WNT7A: variants seen among roughly 807,000 people sequenced by gnomAD.
WNT7A encodes Wnt family member 7A.
A neutral mutation model predicts 28.2 loss-of-function variants in WNT7A; 16 were observed. That is an observed-to-expected ratio of 0.57 (90% CI 0.38 to 0.86). The LOEUF (loss-of-function observed/expected upper bound fraction) is 0.86. WNT7A is among the 40% of genes least tolerant of loss of function. The pLI is 0.00. For missense variants in WNT7A, 411 were observed against 489.7 expected (o/e 0.84, Z 1.52); for synonymous variants, 190 against 195.9 (o/e 0.97, Z 0.25).
rs757984346 is a variant in WNT7A, at chr3:13,879,822, C to T, written c.-6G>A. 1 of 1,609,240 alleles carries T rather than the reference C, an allele frequency of 6.2e-7. No individual in the cohort carries two copies. Among genetic ancestry groups the T allele is most frequent in the Non-Finnish European group, 8.5e-7 (1 of 1,177,616 alleles). ...CGCCGCGCTTTCCGGTTCATAGTCC[C>T]GATTGGCCGCCGGGGCCGCGGGCCG... On this transcript the variant is annotated 5_prime_UTR_variant, in exon 1 of 4. Transcript: ENST00000285018.
intron 3 of WNT7A, among the ~76,000 whole-genome samples, chr3:13,822,593 G>T (rs1298124551): frequency 1.3e-5 from 2 of 152,200 alleles, no homozygotes; most frequent in Non-Finnish European, 2.9e-5. Flanking sequence ...AATGGGTACG[G>T]GTTTCTTTCT....
intron 2 of WNT7A, among the ~76,000 whole-genome samples, chr3:13,868,860 GAGAA>G (rs1160520779): frequency 5.5e-5 from 8 of 144,420 alleles, no homozygotes; most frequent in African/African-American, 1.0e-4. Flanking sequence ...GAGAGAGAGA[GAGAA>G]AGAGACAGAG....
chr3:13,878,134 C>T (rs1218029167), intron 1 of WNT7A, among the ~76,000 whole-genome samples: 2 of 152,170 alleles, frequency 1.3e-5, no homozygotes, highest in Non-Finnish European at 2.9e-5. Context: ...CCCTCCCTCC[C>T]TGCCGGGCAG....
intron 3 of WNT7A, among the ~76,000 whole-genome samples, chr3:13,823,910 C>G (rs555207145): frequency 6.6e-6 from 1 of 152,222 alleles, no homozygotes; most frequent in Non-Finnish European, 1.5e-5. Flanking sequence ...AAGGTCACAG[C>G]TCCTGCTGGG....
At chr3:13,867,914 T>C (rs1575073688) in intron 2 of WNT7A, among the ~76,000 whole-genome samples, 1 of 152,226 alleles carries the variant, frequency 6.6e-6, no homozygotes, top group African/African-American at 2.4e-5. Flanking sequence ...ACCCACTCAC[T>C]GGGCAGACAT....
intron 3 of WNT7A, among the ~76,000 whole-genome samples, chr3:13,845,723 C>T (rs1032941841): frequency 1.3e-4 from 20 of 152,340 alleles, no homozygotes; most frequent in African/African-American, 4.8e-4. Context: ...ACAGATGCAC[C>T]CAGCCCTACT....
Position 13,817,035 on chromosome 3 carries a change from C to T in WNT7A, c.*1909G>A, listed in dbSNP as rs1694015234. 6.6e-6 allele frequency: 1 copy of T among 152,266 alleles called. No individual in the cohort carries two copies. Among genetic ancestry groups the T allele is most frequent in the Non-Finnish European group, 1.5e-5 (1 of 68,058 alleles). The allele number at this position is 152,266 out of a possible 1,614,324, so 9.4% of individuals were successfully genotyped here. A position where few individuals can be genotyped will look rare whatever the true frequency, so the allele number is the denominator to read the frequency against. ...CTGTGATCCAGGCTCAGTGTGGACACTGAGGAGTCAGACACAGCCTAGATA... is the reference window on the plus strand; with the variant it reads ...CTGTGATCCAGGCTCAGTGTGGACATTGAGGAGTCAGACACAGCCTAGATA... On this transcript the variant is annotated 3_prime_UTR_variant, in exon 4 of 4. Coordinates refer to ENST00000285018, the MANE Select transcript of WNT7A (RefSeq NM_004625.4).
chr3:13,878,594 T>C (rs569161151), intron 1 of WNT7A, among the ~76,000 whole-genome samples: 2 of 151,866 alleles, frequency 1.3e-5, no homozygotes, highest in African/African-American at 4.8e-5. Context: ...ACTTGCGAAA[T>C]CCCCGCTCCA....
At chr3:13,822,886 T>G (rs984833720) in intron 3 of WNT7A, among the ~76,000 whole-genome samples, 1 of 152,186 alleles carries the variant, frequency 6.6e-6, no homozygotes. Flanking sequence ...ATGGCTCCTG[T>G]GTCCTGGATG....
At chr3:13,856,956 GAAGAAGAAGA>G (rs1559303343) in intron 2 of WNT7A, among the ~76,000 whole-genome samples, 16 of 124,886 alleles carry the variant, frequency 1.3e-4, no homozygotes, top group African/African-American at 1.9e-4. Flanking sequence ...AGAAGAAGAA[GAAGAAGAAGA>G]AGGAGAAGAA....
At chr3:13,838,657 A>G (rs1297676091) in intron 3 of WNT7A, among the ~76,000 whole-genome samples, 1 of 152,168 alleles carries the variant, frequency 6.6e-6, no homozygotes, top group South Asian at 2.1e-4. Context: ...GGAGCCCCCA[A>G]AGTTTTGCAG....
In WNT7A at chr3:13,819,358, C is replaced by T. The variant is rs1309171342; in HGVS notation, c.636G>A (p.Lys212=). The T allele has an allele frequency of 6.2e-7, 1 of 1,613,510 alleles. No individual in the cohort carries two copies. The highest frequency in any genetic ancestry group is 2.2e-5 in the East Asian group (1 of 44,884). ...ACTGTGGCAGTGTGGTCCAGCACGT[C>T]TTGGTGGTGCACGAGCCTGACACGC... ...CHGVSGSCTT[K]TCWTTLPQFR... is the part of the protein sequence containing the mutation. Residue 212 remains lysine, a synonymous_variant, in exon 4 of 4, where the codon AAG becomes AAA. Coordinates refer to ENST00000285018, the MANE Select transcript of WNT7A (RefSeq NM_004625.4).
intron 1 of WNT7A, among the ~76,000 whole-genome samples, chr3:13,877,910 C>T (rs1051537818): frequency 3.9e-5 from 6 of 152,208 alleles, no homozygotes. Context: ...CAGCCAGAAG[C>T]GGGTAGAGCC....
At chr3:13,864,508 C>T (rs1694880818) in intron 2 of WNT7A, among the ~76,000 whole-genome samples, 1 of 152,176 alleles carries the variant, frequency 6.6e-6, no homozygotes, top group Admixed American at 6.5e-5. Flanking sequence ...CTTCTGTGCT[C>T]ATCTCCCAGT....
chr3:13,822,397 A>G (rs1694125797), intron 3 of WNT7A, among the ~76,000 whole-genome samples: 1 of 152,270 alleles, frequency 6.6e-6, no homozygotes, highest in South Asian at 2.1e-4. Context: ...AAAGGAATGA[A>G]GTACTGATAC....
intron 2 of WNT7A, among the ~76,000 whole-genome samples, chr3:13,871,324 C>G (rs1695023464): frequency 6.6e-6 from 1 of 152,146 alleles, no homozygotes; most frequent in African/African-American, 2.4e-5. Flanking sequence ...GGTGAGAGCA[C>G]TGAGGAGGAG....
intron 2 of WNT7A, among the ~76,000 whole-genome samples, chr3:13,869,096 AAG>A (rs1334434281): frequency 1.4e-5 from 2 of 144,642 alleles, no homozygotes; most frequent in Non-Finnish European, 1.5e-5. Flanking sequence ...GGGAGAGAGA[AAG>A]AGAAAGAGGG....
At chr3:13,844,588 C>A (rs528027149) in intron 3 of WNT7A, among the ~76,000 whole-genome samples, 1 of 152,232 alleles carries the variant, frequency 6.6e-6, no homozygotes, top group Admixed American at 6.5e-5. Context: ...GCCAATCAAA[C>A]GGAGTAACCC....
In WNT7A at chr3:13,868,575, AGAGAGAGAGAGAGAGG is replaced by A. The variant is rs1410275990; in HGVS notation, c.298+6356_298+6371del. ...GGGAAGAAGGGGGAGAGAGAGAGAG[AGAGAGAGAGAGAGAGG>A]GAGAAAGAAAGAAAGAAAGAGAGAG... On this transcript the variant is annotated intron_variant, in intron 2 of 3. Coordinates refer to ENST00000285018, the MANE Select transcript of WNT7A (RefSeq NM_004625.4). 2.6e-3 allele frequency among the ~76,000 whole-genome samples: 58 copies of A among 21,948 alleles called. 2 individuals carry two copies. Among genetic ancestry groups the A allele is most frequent in the African/African-American group, 0.013 (42 of 3,272 alleles). The allele number at this position is 21,948 out of a possible 152,430, so 14.4% of individuals were successfully genotyped here. A position where few individuals can be genotyped will look rare whatever the true frequency, so the allele number is the denominator to read the frequency against.
Sources: allele counts gnomAD v4.1 joint callset (sites outside exome capture counted in the v4.1 genomes callset), GRCh38; gene constraint gnomAD v4.1.1; transcripts MANE v1.5; gene names NCBI Gene and HGNC (gene_info 2026-07-23, HGNC 2026-07-21).